Variants in STRN3 observed in about 807,000 individuals in gnomAD.
The protein encoded by STRN3 is striatin-3.
A neutral mutation model predicts 95.6 loss-of-function variants in STRN3; 29 were observed. The ratio of observed to expected loss-of-function variants is 0.30; its 90% CI spans 0.23 to 0.41. The LOEUF (loss-of-function observed/expected upper bound fraction) is 0.41. Ranked by LOEUF, STRN3 falls within the 10% of genes least tolerant of loss-of-function variation. The pLI, the probability that STRN3 is intolerant of heterozygous loss-of-function variation, is 1.00. For synonymous variants in STRN3, 331 were observed against 357.6 expected (o/e 0.93, Z 0.84); for missense variants, 890 against 972.1 (o/e 0.92, Z 1.12).
At chr14:30,906,773 A>G (rs1029606598) in intron 14 of STRN3, 104 bp downstream of exon 14, 163 of 1,210,778 alleles carry the variant, frequency 1.3e-4, no homozygotes, top group Admixed American at 1.4e-4. Flanking sequence ...TTCATTCAAT[A>G]TATCTCTTTG....
At chr14:30,931,783 A>G (rs959313522) in intron 7 of STRN3, among the ~76,000 whole-genome samples, 1 of 152,270 alleles carries the variant, frequency 6.6e-6, no homozygotes, top group Non-Finnish European at 1.5e-5. Context: ...CAGTGAAAAC[A>G]GCGTTAGAAA....
In STRN3 at chr14:30,936,478, T is replaced by TA. The variant is rs1316865037; in HGVS notation, c.846+16dup. The TA allele has an allele frequency of 6.2e-7, 1 of 1,606,722 alleles. No homozygotes were observed. The highest frequency in any genetic ancestry group is 2.2e-5 in the East Asian group (1 of 44,740). On this transcript the variant is annotated intron_variant, in intron 6 of 17. Coordinates refer to ENST00000357479, the MANE Select transcript of STRN3 (RefSeq NM_001083893.2). ...CATGAATATATAGCTAATAAGAATA[T>TA]AAAATGTAATTCCTACTTTATGTTT... is the stretch of plus-strand genomic sequence containing the variant.
At chr14:30,989,293 T>TGGCA in intron 1 of STRN3, among the ~76,000 whole-genome samples, 1 of 152,246 alleles carries the variant, frequency 6.6e-6, no homozygotes, top group Middle Eastern at 3.4e-3. Flanking sequence ...TTCACAGCAA[T>TGGCA]GGCACCCATA....
At chr14:30,926,196 T>A (rs943923027) in intron 8 of STRN3, among the ~76,000 whole-genome samples, 1 of 152,124 alleles carries the variant, frequency 6.6e-6, no homozygotes, top group African/African-American at 2.4e-5. Flanking sequence ...TTCTCTTTCC[T>A]GAGACACTTT....
chr14:30,897,089 T>C (rs989766744), intron 16 of STRN3, among the ~76,000 whole-genome samples: 3 of 152,206 alleles, frequency 2.0e-5, no homozygotes, highest in Admixed American at 2.0e-4. Context: ...ATGCCTGGGA[T>C]GTCCCTAATG....
intron 1 of STRN3, among the ~76,000 whole-genome samples, chr14:30,976,946 C>T (rs1472462074): frequency 2.0e-5 from 3 of 152,094 alleles, no homozygotes; most frequent in East Asian, 1.9e-4. Context: ...AAAAATTGAC[C>T]GGACATGGTG....
At chr14:30,905,691 G>A in intron 14 of STRN3, 133 bp from the exon 15 acceptor site, 1 of 894,678 alleles carries the variant, frequency 1.1e-6, no homozygotes, top group Non-Finnish European at 1.6e-6. Flanking sequence ...TAATGAAAAG[G>A]AACACAACTG....
intron 1 of STRN3, among the ~76,000 whole-genome samples, chr14:30,983,248 T>G (rs2139233583): frequency 6.6e-6 from 1 of 152,206 alleles, no homozygotes; most frequent in East Asian, 1.9e-4. Context: ...TGAAATTACC[T>G]TAACATAAGG....
intron 1 of STRN3, among the ~76,000 whole-genome samples, chr14:31,001,082 G>A (rs567118072): frequency 7.2e-5 from 11 of 152,270 alleles, no homozygotes; most frequent in African/African-American, 2.2e-4. Flanking sequence ...TAGCTGTGTT[G>A]GATGCTTCTG....
chr14:30,988,017 T>A (rs192319281), intron 1 of STRN3, among the ~76,000 whole-genome samples: 1 of 152,320 alleles, frequency 6.6e-6, no homozygotes, highest in Non-Finnish European at 1.5e-5. Context: ...ACTACAGGCG[T>A]AAGCCACCGC....
chr14:30,909,481 AAG>A (rs148536106), intron 13 of STRN3, among the ~76,000 whole-genome samples: 13,888 of 150,578 alleles, frequency 0.092, 698 homozygotes, highest in South Asian at 0.16. Context: ...CCAAAAAAGA[AAG>A]AGAGAGAGAG....
At chr14:30,942,439 G>A (rs1428964589) in intron 5 of STRN3, among the ~76,000 whole-genome samples, 1 of 152,100 alleles carries the variant, frequency 6.6e-6, no homozygotes, top group Non-Finnish European at 1.5e-5. Context: ...AGATGAAAGG[G>A]AAAACAAAAT....
At chr14:30,997,996 A>G (rs1003272802) in intron 1 of STRN3, among the ~76,000 whole-genome samples, 1 of 152,146 alleles carries the variant, frequency 6.6e-6, no homozygotes, top group Non-Finnish European at 1.5e-5. Context: ...AGGAGCTACA[A>G]ATTTTATGGC....
chr14:30,920,681 T>C (rs949818489), intron 8 of STRN3, among the ~76,000 whole-genome samples: 1 of 152,178 alleles, frequency 6.6e-6, no homozygotes, highest in African/African-American at 2.4e-5. Flanking sequence ...TCTTATGAAT[T>C]ACTACAACAG....
intron 8 of STRN3, among the ~76,000 whole-genome samples, chr14:30,922,650 A>G (rs1896913919): frequency 6.6e-6 from 1 of 152,172 alleles, no homozygotes; most frequent in East Asian, 1.9e-4. Flanking sequence ...TAGCAGGCAA[A>G]CAATCTGGAA....
intron 1 of STRN3, among the ~76,000 whole-genome samples, chr14:30,983,957 T>C (rs569245928): frequency 9.9e-5 from 15 of 152,076 alleles, no homozygotes; most frequent in Non-Finnish European, 1.8e-4. Flanking sequence ...TCAATTAAGT[T>C]TCTGCAAAAT....
At chr14:30,950,975 A>G (rs761283402) in intron 3 of STRN3, 31 bp from the exon 4 acceptor site, 2 of 1,579,782 alleles carry the variant, frequency 1.3e-6, no homozygotes, top group Admixed American at 1.8e-5. Context: ...AGTTTTACAT[A>G]CTTTATTTCG....
chr14:30,955,559 CAT>C (rs1879857730), intron 3 of STRN3, 59 bp downstream of exon 3: 5 of 1,383,896 alleles, frequency 3.6e-6, no homozygotes, highest in Non-Finnish European at 4.9e-6. Context: ...GTAAAGAGAA[CAT>C]GTCTGTTACA....
intron 1 of STRN3, among the ~76,000 whole-genome samples, chr14:30,957,429 G>A (rs1361489841): frequency 6.8e-6 from 1 of 146,198 alleles, no homozygotes; most frequent in Non-Finnish European, 1.5e-5. Flanking sequence ...CTCCAGCCTA[G>A]GCGACAGAGT....
Sources: gnomAD v4.1 joint callset for allele counts (sites outside exome capture counted in the v4.1 genomes callset) on GRCh38, gnomAD v4.1.1 for gene constraint, MANE v1.5 for transcripts, NCBI Gene and HGNC (gene_info 2026-07-23, HGNC 2026-07-21) for gene names.